The following LMBRD1 variants were observed in gnomAD, a reference collection of about 807,000 sequenced individuals.
LMBRD1 encodes LMBR1 domain containing 1.
A neutral mutation model predicts 74.8 loss-of-function variants in LMBRD1; 64 were observed. The observed-to-expected ratio is 0.86, with a 90% CI of 0.70 to 1.05. The LOEUF (loss-of-function observed/expected upper bound fraction) is 1.05. Among genes scored for constraint, LMBRD1 ranks in the 50% least tolerant of loss-of-function variants. LMBRD1 has a pLI of 0.00. For synonymous variants in LMBRD1, 204 were observed against 216.3 expected (o/e 0.94, Z 0.50); for missense variants, 652 against 645.9 (o/e 1.01, Z -0.10).
At chr6:69,767,087 T>G (rs925780734) in intron 3 of LMBRD1, among the ~76,000 whole-genome samples, 1 of 151,762 alleles carries the variant, frequency 6.6e-6, no homozygotes, top group East Asian at 1.9e-4. Context: ...ATTTATATCC[T>G]TTTTCTCTCT....
intron 7 of LMBRD1, among the ~76,000 whole-genome samples, chr6:69,736,376 A>G (rs2149867964): frequency 6.6e-6 from 1 of 152,230 alleles, no homozygotes; most frequent in African/African-American, 2.4e-5. Context: ...AATACACTCT[A>G]TTATGTGCAG....
At chr6:69,697,353 A>C (rs1295145201) in intron 14 of LMBRD1, among the ~76,000 whole-genome samples, 1 of 152,054 alleles carries the variant, frequency 6.6e-6, no homozygotes, top group Non-Finnish European at 1.5e-5. Context: ...TAAATAAAAA[A>C]TTACTTCCTA....
At chr6:69,686,069 C>T (rs545443300) in intron 14 of LMBRD1, among the ~76,000 whole-genome samples, 128 of 152,010 alleles carry the variant, frequency 8.4e-4, no homozygotes, top group South Asian at 2.9e-3. Flanking sequence ...GGAGAAGAAG[C>T]GAATAACTAC....
intron 7 of LMBRD1, among the ~76,000 whole-genome samples, chr6:69,734,689 C>T (rs1766936895): frequency 6.6e-6 from 1 of 152,160 alleles, no homozygotes; most frequent in Non-Finnish European, 1.5e-5. Context: ...AGCCATTGTG[C>T]CTGGCAACAA....
chr6:69,717,198 C>T (rs1246333576), intron 8 of LMBRD1, among the ~76,000 whole-genome samples: 1 of 152,090 alleles, frequency 6.6e-6, no homozygotes, highest in South Asian at 2.1e-4. Flanking sequence ...CTGTGATAAA[C>T]TCTTATTAGT....
intron 4 of LMBRD1, among the ~76,000 whole-genome samples, chr6:69,750,257 G>T (rs1172025888): frequency 1.3e-5 from 2 of 151,380 alleles, no homozygotes; most frequent in African/African-American, 2.4e-5. Context: ...ATAACTCTAA[G>T]ATAGGTTGTT....
At position 69,697,629 on chromosome 6, in the gene LMBRD1, A is replaced by C; in HGVS notation, c.1351T>G (p.Ser451Ala). Residue 451 changes from serine (S) to alanine (A), a missense_variant, in exon 14 of 16, where the codon TCT becomes GCT. Coordinates refer to ENST00000649934, the MANE Select transcript of LMBRD1 (RefSeq NM_018368.4). ...GTTGAATTGCCTTTATGATTATCAGAAGTTATATTAGTCTGAAAGATAAAA... is the reference window on the plus strand; with the variant it reads ...GTTGAATTGCCTTTATGATTATCAGCAGTTATATTAGTCTGAAAGATAAAA... ...QNYLIETNITSDNHKGNSTLS... is the reference protein window; with the variant it reads ...QNYLIETNITADNHKGNSTLS... 1 of 1,577,994 alleles carries C rather than the reference A, an allele frequency of 6.3e-7. No homozygotes were observed. The highest frequency in any genetic ancestry group is 8.7e-7 in the Non-Finnish European group (1 of 1,148,344).
intron 4 of LMBRD1, 123 bp from the exon 5 acceptor site, chr6:69,749,531 G>A (rs1038789064): frequency 4.0e-6 from 3 of 749,610 alleles, no homozygotes; most frequent in African/African-American, 3.6e-5. Context: ...TGAAACTAAG[G>A]TTGAAAAACA....
rs774654779 is a variant in LMBRD1 at position 69,676,178 on chromosome 6, G to GCTCATAATCA, written c.1602_1603insTGATTATGAG (p.Pro535Ter). On this transcript the variant is annotated stop_gained and frameshift_variant, in exon 16 of 16. Coordinates refer to ENST00000649934, the MANE Select transcript of LMBRD1 (RefSeq NM_018368.4). LOFTEE classifies it high-confidence loss of function. The stretch of plus-strand genomic sequence containing the variant: ...GGCTGTCAAGCAGAATAGACAGAGG[G>GCTCATAATCA]CTCATCATCACTTATGTCTGAATCT... The GCTCATAATCA allele has an allele frequency of 6.2e-7, 1 of 1,612,852 alleles. No homozygotes were observed. The highest frequency in any genetic ancestry group is 2.2e-5 in the East Asian group (1 of 44,762).
Position 69,676,191 on chromosome 6 carries a change from T to C in LMBRD1, c.1590A>G (p.Ile530Met), listed in dbSNP as rs768018959. 1 of 1,613,414 alleles carries C rather than the reference T, an allele frequency of 6.2e-7. No homozygotes were observed. Among genetic ancestry groups the C allele is most frequent in the South Asian group, 1.1e-5 (1 of 91,076 alleles). The change falls in exon 16 of 16, where the codon ATA becomes ATG. Residue 530 changes from isoleucine to methionine, a missense_variant. Physicochemically the swap from Ile to Met is conservative, Grantham distance 10. Coordinates refer to ENST00000649934, the MANE Select transcript of LMBRD1 (RefSeq NM_018368.4). ...VIEGVDEDSD[I>M]SDDEPSVYSA ...AATAGACAGAGGGCTCATCATCACT[T>C]ATGTCTGAATCTTCATCTACTCCTT...
chr6:69,703,782 G>A (rs1451600018), intron 9 of LMBRD1, among the ~76,000 whole-genome samples: 2 of 151,948 alleles, frequency 1.3e-5, no homozygotes, highest in Non-Finnish European at 2.9e-5. Context: ...TAAGACATAT[G>A]CAAAAACAAT....
intron 9 of LMBRD1, among the ~76,000 whole-genome samples, chr6:69,708,025 C>T (rs1038045015): frequency 6.6e-6 from 1 of 151,976 alleles, no homozygotes; most frequent in African/African-American, 2.4e-5. Flanking sequence ...TAATTACAAA[C>T]ATAAATTTAT....
chr6:69,721,538 A>G (rs1344401847), intron 7 of LMBRD1, among the ~76,000 whole-genome samples: 1 of 152,152 alleles, frequency 6.6e-6, no homozygotes, highest in Non-Finnish European at 1.5e-5. Context: ...TGCTGACTAA[A>G]GAGCCCCTGG....
intron 7 of LMBRD1, among the ~76,000 whole-genome samples, chr6:69,731,493 T>C (rs866577934): frequency 6.6e-6 from 1 of 152,082 alleles, no homozygotes; most frequent in Non-Finnish European, 1.5e-5. Context: ...GTCACAATGG[T>C]TCAACTTAGG....
At chr6:69,775,808 T>A (rs1284966928) in intron 3 of LMBRD1, among the ~76,000 whole-genome samples, 1 of 152,170 alleles carries the variant, frequency 6.6e-6, no homozygotes, top group East Asian at 1.9e-4. Flanking sequence ...TCAAAGAACA[T>A]CATTTTTACT....
At position 69,697,539 on chromosome 6, in the gene LMBRD1, A is replaced by G. The variant is rs774826288; in HGVS notation, c.1417+24T>C. 5 of 1,497,304 alleles carry G rather than the reference A, an allele frequency of 3.3e-6. No homozygotes were observed. The African/African-American group carries it at 6.9e-5, about 21-fold the overall frequency. The allele number at this position is 1,497,304 out of a possible 1,614,324, so 92.8% of individuals were successfully genotyped here. ...GAAATTCTTTTCCTAAAAAGTTGTA[A>G]GTTCTAAAACAAGCTGTTTTTACCT... is the stretch of plus-strand genomic sequence containing the variant. On this transcript the variant is annotated intron_variant, in intron 14 of 15. Transcript: ENST00000649934.
chr6:69,723,571 A>G (rs1433093700), intron 7 of LMBRD1, among the ~76,000 whole-genome samples: 1 of 152,138 alleles, frequency 6.6e-6, no homozygotes, highest in Non-Finnish European at 1.5e-5. Flanking sequence ...CTAAATGACC[A>G]GTGGGTCAAT....
At chr6:69,725,689 A>AGAAT (rs1766716999) in intron 7 of LMBRD1, among the ~76,000 whole-genome samples, 1 of 152,218 alleles carries the variant, frequency 6.6e-6, no homozygotes, top group African/African-American at 2.4e-5. Context: ...CATATGTAGA[A>AGAAT]GAATGAATCT....
chr6:69,704,927 T>C (rs1278855109), intron 9 of LMBRD1, among the ~76,000 whole-genome samples: 5 of 148,262 alleles, frequency 3.4e-5, no homozygotes, highest in African/African-American at 1.3e-4. Context: ...TTTCCACTTT[T>C]ACTGGTAAGT....
Sources: allele counts gnomAD v4.1 joint callset (sites outside exome capture counted in the v4.1 genomes callset), GRCh38; gene constraint gnomAD v4.1.1; transcripts MANE v1.5; gene names NCBI Gene and HGNC (gene_info 2026-07-23, HGNC 2026-07-21).